The following CNST variants were observed in gnomAD, a reference collection of about 807,000 sequenced individuals.
CNST encodes consortin, connexin sorting protein.
A neutral mutation model predicts 72.4 loss-of-function variants in CNST; 39 were observed. The ratio of observed to expected loss-of-function variants is 0.54; its 90% CI spans 0.42 to 0.70. CNST has a LOEUF of 0.70. Ranked by LOEUF, CNST falls within the 30% of genes least tolerant of loss-of-function variation. CNST has a pLI of 0.00. For missense variants in CNST, 871 were observed against 868.5 expected (o/e 1.00, Z -0.04); for synonymous variants, 332 against 320.1 (o/e 1.04, Z -0.40).
chr1:246,568,502 A>G, intron 1 of CNST, among the ~76,000 whole-genome samples: 1 of 152,312 alleles, frequency 6.6e-6, no homozygotes, highest in East Asian at 1.9e-4. Flanking sequence ...ATTTAGACAT[A>G]CTTTATTAGA....
At chr1:246,662,861 A>G (rs1344603903) in intron 10 of CNST, among the ~76,000 whole-genome samples, 1 of 152,204 alleles carries the variant, frequency 6.6e-6, no homozygotes, top group African/African-American at 2.4e-5. Context: ...CAAGTGCCCA[A>G]CAGCCACCTG....
At chr1:246,574,313 T>C (rs1429701500) in intron 1 of CNST, among the ~76,000 whole-genome samples, 1 of 152,206 alleles carries the variant, frequency 6.6e-6, no homozygotes, top group Non-Finnish European at 1.5e-5. Context: ...AGTGTTGGGA[T>C]TACAGGCGTG....
chr1:246,653,877 C>G (rs572489115), intron 9 of CNST, among the ~76,000 whole-genome samples: 28 of 152,206 alleles, frequency 1.8e-4, no homozygotes, highest in Non-Finnish European at 2.8e-4. Flanking sequence ...CAAACTGGTA[C>G]CCAAGGAGCC....
chr1:246,590,010 C>T (rs925772689), intron 1 of CNST, among the ~76,000 whole-genome samples: 9 of 152,066 alleles, frequency 5.9e-5, no homozygotes, highest in South Asian at 2.1e-4. Flanking sequence ...AGATTCTGGA[C>T]ATTAGCCCTT....
chr1:246,660,555 G>A (rs7534740), intron 10 of CNST, among the ~76,000 whole-genome samples: 39,306 of 151,882 alleles, frequency 0.26, 5,312 homozygotes, highest in Admixed American at 0.35. Flanking sequence ...ACAAAACCCT[G>A]TGTCCACTAA....
At position 246,635,525 on chromosome 1, in the gene CNST, C is replaced by T. The variant is rs1362357578; in HGVS notation, c.818+938C>T. Among the ~76,000 whole-genome samples, 6 of 152,222 alleles carry T rather than the reference C, an allele frequency of 3.9e-5. No homozygotes were observed. The South Asian group carries it at 6.2e-4, about 16-fold the overall frequency. On this transcript the variant is annotated intron_variant, in intron 6 of 10. Coordinates refer to ENST00000366513, the MANE Select transcript of CNST (RefSeq NM_152609.3). The stretch of plus-strand genomic sequence containing the variant: ...TGATGTTTGAAGCGATTTCTAGAAC[C>T]GCTTTTCCATTATCGTCTATGTTAA...
In CNST at chr1:246,621,449, G is replaced by C. The variant is rs1217865277; in HGVS notation, c.400G>C (p.Ala134Pro). ...IPPGLFSGDI[A>P]PLMQEKVLSA... Reference sequence around the variant, plus strand: ...TAAAGGACTTTTTTCAGGAGATATTGCACCTTTAATGCAAGAAAAAGTACT... The same window carrying C: ...TAAAGGACTTTTTTCAGGAGATATTCCACCTTTAATGCAAGAAAAAGTACT... Residue 134 changes from alanine to proline, a missense_variant, in exon 3 of 11, where the codon GCA (alanine) becomes CCA (proline). Transcript: ENST00000366513. 7 of 1,613,552 alleles carry C rather than the reference G, an allele frequency of 4.3e-6. No individual in the cohort carries two copies. The highest frequency in any genetic ancestry group is 5.9e-6 in the Non-Finnish European group (7 of 1,179,822).
intron 1 of CNST, among the ~76,000 whole-genome samples, chr1:246,574,434 A>T (rs983980207): frequency 2.0e-5 from 3 of 152,034 alleles, no homozygotes; most frequent in Non-Finnish European, 2.9e-5. Flanking sequence ...TTTAAAAAAA[A>T]TTTTTTTTAG....
chr1:246,602,697 C>A (rs557576922), intron 2 of CNST, among the ~76,000 whole-genome samples: 5 of 152,268 alleles, frequency 3.3e-5, no homozygotes, highest in African/African-American at 1.2e-4. Context: ...TACCAAGAGG[C>A]AGGAATCACG....
intron 2 of CNST, among the ~76,000 whole-genome samples, chr1:246,599,352 G>A (rs1430897862): frequency 1.3e-5 from 2 of 152,180 alleles, no homozygotes; most frequent in African/African-American, 4.8e-5. Flanking sequence ...ACATCAAGGT[G>A]TTAGCAGGGC....
At chr1:246,657,293 C>G (rs975434981) in intron 9 of CNST, among the ~76,000 whole-genome samples, 2 of 152,076 alleles carry the variant, frequency 1.3e-5, no homozygotes, top group Non-Finnish European at 2.9e-5. Context: ...TAAGCTTGGC[C>G]CACCGTCCCT....
chr1:246,610,802 G>A (rs1663265941), intron 2 of CNST, among the ~76,000 whole-genome samples: 1 of 151,776 alleles, frequency 6.6e-6, no homozygotes, highest in Non-Finnish European at 1.5e-5. Flanking sequence ...CGTGTCCTGA[G>A]CTGTCGCGTG....
chr1:246,575,934 T>C (rs896267906), intron 1 of CNST, among the ~76,000 whole-genome samples: 4 of 152,060 alleles, frequency 2.6e-5, no homozygotes, highest in African/African-American at 7.2e-5. Flanking sequence ...TCATATAAGA[T>C]TTCAGTGCTC....
In CNST at chr1:246,621,566, C is replaced by CTGTT; in HGVS notation, c.519_522dup (p.Ser175ValfsTer7). 1 of 1,614,228 alleles carries CTGTT rather than the reference C, an allele frequency of 6.2e-7. No homozygotes were observed. Among genetic ancestry groups the CTGTT allele is most frequent in the Non-Finnish European group, 8.5e-7 (1 of 1,180,036 alleles). On this transcript the variant is annotated frameshift_variant, in exon 3 of 11. Coordinates refer to ENST00000366513, the MANE Select transcript of CNST (RefSeq NM_152609.3). LOFTEE classifies it high-confidence loss of function. ...GGCGCCAAAGCTTGTTCTGCAGTCT[C>CTGTT]TGTTTTCACTTATACGAGGTGAAGT...
At chr1:246,594,604 T>A (rs1661755701) in intron 2 of CNST, among the ~76,000 whole-genome samples, 1 of 151,868 alleles carries the variant, frequency 6.6e-6, no homozygotes, top group East Asian at 1.9e-4. Flanking sequence ...ACCCCATCTC[T>A]AAAAAAATAC....
At chr1:246,632,436 C>A (rs571549226) in intron 4 of CNST, 1 of 207,038 alleles carries the variant, frequency 4.8e-6, no homozygotes, top group Non-Finnish European at 1.0e-5. Flanking sequence ...AGTAAGGGAC[C>A]CCCATTTTAC....
chr1:246,611,872 T>C (rs1663337839), intron 2 of CNST, among the ~76,000 whole-genome samples: 1 of 152,192 alleles, frequency 6.6e-6, no homozygotes, highest in African/African-American at 2.4e-5. Flanking sequence ...ATGTAGTATA[T>C]ACATATAATG....
intron 9 of CNST, among the ~76,000 whole-genome samples, chr1:246,653,897 T>G (rs1047813519): frequency 7.9e-5 from 12 of 152,164 alleles, no homozygotes; most frequent in South Asian, 2.1e-4. Context: ...CAGTCAGGTA[T>G]TAGAAGTCAA....
chr1:246,568,559 T>A (rs1659865399), intron 1 of CNST, among the ~76,000 whole-genome samples: 1 of 152,140 alleles, frequency 6.6e-6, no homozygotes, highest in South Asian at 2.1e-4. Context: ...TCTTAAGAAG[T>A]GTGGTTTTCT....
Sources: gnomAD v4.1 joint callset for allele counts (sites outside exome capture counted in the v4.1 genomes callset) on GRCh38, gnomAD v4.1.1 for gene constraint, MANE v1.5 for transcripts, NCBI Gene and HGNC (gene_info 2026-07-23, HGNC 2026-07-21) for gene names.